The following ADARB2 variants were observed in gnomAD, a reference collection of about 807,000 sequenced individuals.
ADARB2 encodes the protein inactive double-stranded RNA-specific editase B2.
A neutral mutation model predicts 62.2 loss-of-function variants in ADARB2; 25 were observed. The observed-to-expected ratio is 0.40, with a 90% CI of 0.29 to 0.56. The LOEUF is 0.56. Ranked by LOEUF, ADARB2 falls within the 20% of genes least tolerant of loss-of-function variation. The pLI, the probability that ADARB2 is intolerant of heterozygous loss-of-function variation, is 0.43. For synonymous variants in ADARB2, 572 were observed against 500.8 expected, an observed-to-expected ratio of 1.14 and a Z score of -1.90; for missense variants, 1,071 against 1,077.4, an observed-to-expected ratio of 0.99 and a Z score of 0.08.
intron 6 of ADARB2, among the ~76,000 whole-genome samples, chr10:1,218,106 A>G (rs1309917557): frequency 6.6e-6 from 1 of 152,230 alleles, no homozygotes; most frequent in Non-Finnish European, 1.5e-5. Context: ...GCTGGAGTGC[A>G]GTGGCGCAAT....
intron 1 of ADARB2, among the ~76,000 whole-genome samples, chr10:1,648,186 T>C (rs1834069533): frequency 6.6e-6 from 1 of 152,248 alleles, no homozygotes; most frequent in African/African-American, 2.4e-5. Flanking sequence ...CTTCTGCAGG[T>C]GATTACATGA....
In ADARB2 at chr10:1,181,532, AG is replaced by A; in HGVS notation, c.*1660del. ...TGGCCTGATTTTAAATCCCAGGAAA[AG>A]TTTCTTTTTCCATACTAATATCTCT... On this transcript the variant is annotated 3_prime_UTR_variant, in exon 10 of 10. Transcript: ENST00000381312. 6.6e-6 allele frequency: 1 copy of A among 152,354 alleles called. No individual in the cohort carries two copies. Among genetic ancestry groups the A allele is most frequent in the East Asian group, 1.9e-4 (1 of 5,196 alleles). The allele number at this position is 152,354 out of a possible 1,614,324, so 9.4% of individuals were successfully genotyped here.
intron 1 of ADARB2, among the ~76,000 whole-genome samples, chr10:1,500,675 C>A (rs74121014): frequency 0.034 from 5,106 of 152,184 alleles, 276 homozygotes; most frequent in African/African-American, 0.11. Flanking sequence ...ACAGCAAAAA[C>A]ATTTAATCTT....
chr10:1,615,356 T>A (rs1286707242), intron 1 of ADARB2, among the ~76,000 whole-genome samples: 38 of 152,092 alleles, frequency 2.5e-4, no homozygotes, highest in Admixed American at 2.5e-3. Context: ...AAGCTGGGCA[T>A]CCCCTCCAGC....
At chr10:1,578,911 AGGCTG>A (rs1030356846) in intron 1 of ADARB2, among the ~76,000 whole-genome samples, 1 of 152,072 alleles carries the variant, frequency 6.6e-6, no homozygotes. Context: ...GCGCCTGGTG[AGGCTG>A]GGCGCTGGGG....
At chr10:1,458,749 CTGTAAA>C (rs1831129640) in intron 1 of ADARB2, among the ~76,000 whole-genome samples, 1 of 152,214 alleles carries the variant, frequency 6.6e-6, no homozygotes, top group Non-Finnish European at 1.5e-5. Flanking sequence ...GGGAAGGCTT[CTGTAAA>C]ATGAAGACCC....
chr10:1,523,275 G>A (rs768895227), intron 1 of ADARB2, among the ~76,000 whole-genome samples: 3 of 152,166 alleles, frequency 2.0e-5, no homozygotes, highest in Non-Finnish European at 4.4e-5. Flanking sequence ...AACGTAGGCA[G>A]TGGAAGTAAT....
intron 4 of ADARB2, among the ~76,000 whole-genome samples, chr10:1,256,650 C>T (rs535504202): frequency 4.5e-4 from 68 of 152,218 alleles, no homozygotes; most frequent in Non-Finnish European, 9.1e-4. Context: ...TTATTAGTTA[C>T]GATCCTCAAC....
At position 1,717,658 on chromosome 10, in the gene ADARB2, A is replaced by T. The variant is rs188176904; in HGVS notation, c.100+19393T>A. Among the ~76,000 whole-genome samples the T allele has an allele frequency of 2.5e-3, 373 of 150,586 alleles. 1 individual carries two copies. Among genetic ancestry groups the T allele is most frequent in the African/African-American group, 8.5e-3 (347 of 40,860 alleles). ...AATGGCATGATCTCAGCCCACTGCA[A>T]CCTCCTCCTCCCGGGTTCAGGAGAT... On this transcript the variant is annotated intron_variant, in intron 1 of 9. Coordinates refer to ENST00000381312, the MANE Select transcript of ADARB2 (RefSeq NM_018702.4).
chr10:1,335,279 AATGGAGGAATGG>A (rs56070615), intron 3 of ADARB2, among the ~76,000 whole-genome samples: 45,887 of 144,438 alleles, frequency 0.32, 7,394 homozygotes, highest in Middle Eastern at 0.43. Flanking sequence ...TGGAGGAAAG[AATGGAGGAATGG>A]ATGGAGGGAG....
chr10:1,561,308 C>T (rs112423377), intron 1 of ADARB2, among the ~76,000 whole-genome samples: 3,152 of 152,310 alleles, frequency 0.021, 51 homozygotes, highest in Non-Finnish European at 0.035. Context: ...TAGACCCAGA[C>T]AACTTGTGCT....
intron 3 of ADARB2, among the ~76,000 whole-genome samples, chr10:1,309,259 T>C (rs1831662127): frequency 6.6e-6 from 1 of 152,238 alleles, no homozygotes; most frequent in Non-Finnish European, 1.5e-5. Context: ...CAGAAAGAAA[T>C]GTGCCATTGC....
intron 1 of ADARB2, among the ~76,000 whole-genome samples, chr10:1,630,979 A>G (rs1833835207): frequency 6.6e-6 from 1 of 151,894 alleles, no homozygotes; most frequent in Admixed American, 6.6e-5. Flanking sequence ...AAACAAACAA[A>G]CAAACAAACA....
intron 7 of ADARB2, among the ~76,000 whole-genome samples, chr10:1,202,244 T>TTG (rs951251819): frequency 2.0e-4 from 31 of 151,792 alleles, no homozygotes; most frequent in East Asian, 3.9e-4. Context: ...CACCTGGTCT[T>TTG]TGTGTGTGTG....
chr10:1,224,799 G>C (rs576679234), intron 6 of ADARB2, among the ~76,000 whole-genome samples: 1 of 152,156 alleles, frequency 6.6e-6, no homozygotes, highest in African/African-American at 2.4e-5. Flanking sequence ...TATAATTTCG[G>C]TTCTTTTACA....
chr10:1,726,980 C>T (rs549413467), intron 1 of ADARB2, among the ~76,000 whole-genome samples: 1 of 152,250 alleles, frequency 6.6e-6, no homozygotes, highest in East Asian at 1.9e-4. Flanking sequence ...AGAACATGTT[C>T]TAGAGCTTCT....
chr10:1,510,164 CTTTCT>C (rs1564312661), intron 1 of ADARB2, among the ~76,000 whole-genome samples: 1 of 89,740 alleles, frequency 1.1e-5, no homozygotes, highest in African/African-American at 4.2e-5. Context: ...TTCTTTCTTT[CTTTCT>C]TTTTCTTTCT....
intron 3 of ADARB2, among the ~76,000 whole-genome samples, chr10:1,315,391 G>C (rs1831729889): frequency 6.6e-6 from 1 of 152,258 alleles, no homozygotes; most frequent in South Asian, 2.1e-4. Context: ...AGCGTCCTGA[G>C]CGTGGCGTTT....
At chr10:1,402,682 A>G (rs1050984375) in intron 1 of ADARB2, among the ~76,000 whole-genome samples, 8 of 152,050 alleles carry the variant, frequency 5.3e-5, no homozygotes, top group Non-Finnish European at 1.2e-4. Flanking sequence ...TGGTCAGAGG[A>G]AGCCTCCTCC....
Sources: gnomAD v4.1 joint callset for allele counts (sites outside exome capture counted in the v4.1 genomes callset) on GRCh38, gnomAD v4.1.1 for gene constraint, MANE v1.5 for transcripts, NCBI Gene and HGNC (gene_info 2026-07-23, HGNC 2026-07-21) for gene names.